Variants in POU2AF3 observed in about 807,000 individuals in gnomAD.
The protein encoded by POU2AF3 is cancer susceptibility candidate 13.
chr11:111,304,954 T>C, the POU2AF3 span: 1 of 1,233,006 alleles, frequency 8.1e-7, no homozygotes, highest in Non-Finnish European at 1.0e-6. Context: ...GTGTCCACCT[T>C]TCAGACCCAG....
At chr11:111,301,484 C>T in the POU2AF3 span, among the ~76,000 whole-genome samples, 1 of 142,268 alleles carries the variant, frequency 7.0e-6, no homozygotes, top group Non-Finnish European at 1.5e-5. Flanking sequence ...ATCTGCCCCA[C>T]AACAGTTTTT....
chr11:111,300,561 G>A, the POU2AF3 span: 2 of 1,231,974 alleles, frequency 1.6e-6, no homozygotes, highest in African/African-American at 1.6e-5. Context: ...TCCGAGTGAA[G>A]ATCACAGTGA....
chr11:111,300,616 G>A, the POU2AF3 span: 13 of 1,230,228 alleles, frequency 1.1e-5, no homozygotes, highest in African/African-American at 9.3e-5. Context: ...GGCCTCCGGG[G>A]GAACCGTAAG....
chr11:111,300,670 C>G, the POU2AF3 span: 10 of 1,083,398 alleles, frequency 9.2e-6, no homozygotes, highest in African/African-American at 1.5e-4. Flanking sequence ...AGGCCTCTTT[C>G]AAAGCTGTGT....
chr11:111,308,462 T>C, the POU2AF3 span: 3 of 1,519,852 alleles, frequency 2.0e-6, no homozygotes, highest in African/African-American at 2.8e-5. Flanking sequence ...ATTCAGAACA[T>C]GGCATGGGTA....
chr11:111,306,366 A>G, the POU2AF3 span: 1 of 1,346,938 alleles, frequency 7.4e-7, no homozygotes, highest in Non-Finnish European at 9.7e-7. Context: ...TTTTATGCAA[A>G]AACCTGCCTT....
the POU2AF3 span, chr11:111,298,837 C>CCCCA: frequency 9.3e-7 from 1 of 1,070,098 alleles, no homozygotes. Context: ...CCCCCGCCCG[C>CCCCA]CCTCCCACGT....
At chr11:111,298,789 G>A in the POU2AF3 span, 2 of 1,184,670 alleles carry the variant, frequency 1.7e-6, no homozygotes, top group Admixed American at 4.3e-5. Context: ...GAGGCCCAGA[G>A]GCCGAGTTGG....
chr11:111,307,949 C>T, the POU2AF3 span: 3 of 923,320 alleles, frequency 3.2e-6, no homozygotes, highest in Admixed American at 6.9e-5. Context: ...GGTGTTGTTT[C>T]GTTTGATTTG....
the POU2AF3 span, chr11:111,300,254 T>C: frequency 2.2e-5 from 7 of 315,624 alleles, no homozygotes; most frequent in Admixed American, 1.0e-4. Context: ...ACCCGTTTGC[T>C]ATTGGCCTAG....
the POU2AF3 span, chr11:111,298,826 G>GCCGGGGCC: frequency 7.6e-6 from 6 of 790,962 alleles, no homozygotes; most frequent in African/African-American, 1.8e-5. Flanking sequence ...CGTACCCCAG[G>GCCGGGGCC]CCCCCGCCCG....
the POU2AF3 span, chr11:111,298,824 A>AGGCGGGGGGG: frequency 8.0e-5 from 72 of 903,128 alleles, no homozygotes; most frequent in Middle Eastern, 4.0e-4. Flanking sequence ...CGCGTACCCC[A>AGGCGGGGGGG]GGCCCCCGCC....
At chr11:111,299,725 G>C in the POU2AF3 span, 1 of 1,231,944 alleles carries the variant, frequency 8.1e-7, no homozygotes, top group Non-Finnish European at 1.0e-6. Flanking sequence ...AAGGGAGGGG[G>C]TAGGGAGAGA....
chr11:111,301,618 G>A, the POU2AF3 span, among the ~76,000 whole-genome samples: 1 of 152,190 alleles, frequency 6.6e-6, no homozygotes, highest in Non-Finnish European at 1.5e-5. Context: ...GAACCAGATG[G>A]ACTGGGCTCA....
the POU2AF3 span, chr11:111,308,392 T>G: frequency 1.3e-6 from 2 of 1,551,566 alleles, no homozygotes; most frequent in Non-Finnish European, 1.7e-6. Flanking sequence ...CCGCCACCAG[T>G]GATTTCTATA....
the POU2AF3 span, chr11:111,300,461 G>GC: frequency 8.3e-6 from 6 of 723,770 alleles, no homozygotes; most frequent in Non-Finnish European, 1.1e-5. Context: ...TATAAAAGGG[G>GC]CCCCCACTCT....
chr11:111,308,564 A>G, the POU2AF3 span: 1 of 1,035,046 alleles, frequency 9.7e-7, no homozygotes, highest in Admixed American at 3.1e-5. Context: ...CACTATTTCC[A>G]ATTTTCTGAT....
At chr11:111,305,570 G>A in the POU2AF3 span, among the ~76,000 whole-genome samples, 2 of 152,192 alleles carry the variant, frequency 1.3e-5, no homozygotes, top group East Asian at 1.9e-4. Context: ...ATGTGTCACC[G>A]TAGCTTCACC....
chr11:111,304,479 G>GA, the POU2AF3 span, among the ~76,000 whole-genome samples: 18 of 151,722 alleles, frequency 1.2e-4, no homozygotes, highest in African/African-American at 3.9e-4. Context: ...CTGATATTAG[G>GA]AAAAAAACTC....
Sources: allele counts gnomAD v4.1 joint callset (sites outside exome capture counted in the v4.1 genomes callset), GRCh38; gene constraint gnomAD v4.1.1; transcripts MANE v1.5; gene names NCBI Gene and HGNC (gene_info 2026-07-23, HGNC 2026-07-21).